The following ADGRA2 variants were observed in gnomAD, a reference collection of about 807,000 sequenced individuals.
The protein encoded by ADGRA2 is adhesion G protein-coupled receptor A2, also known as G-protein coupled receptor 124.
In ADGRA2, 61 loss-of-function variants were observed where a neutral mutation model predicts 98.7. The ratio of observed to expected loss-of-function variants is 0.62; its 90% CI spans 0.50 to 0.76. The LOEUF (loss-of-function observed/expected upper bound fraction) is 0.76. ADGRA2 is among the 30% of genes least tolerant of loss of function. The probability of loss-of-function intolerance (pLI) is 0.00; values close to 1 mark genes in which losing one functional copy is unlikely to be tolerated. For missense variants in ADGRA2, 1,712 were observed against 1,860.0 expected (o/e 0.92, Z 1.46); for synonymous variants, 858 against 831.5 (o/e 1.03, Z -0.55).
At position 37,830,023 on chromosome 8, in the gene ADGRA2, G is replaced by T. The variant is rs770760292; in HGVS notation, c.718+9G>T. The T allele has an allele frequency of 1.3e-6, 2 of 1,517,024 alleles. No individual in the cohort carries two copies. The highest frequency in any genetic ancestry group is 1.4e-5 in the African/African-American group (1 of 72,780). The allele number at this position is 1,517,024 out of a possible 1,614,324, so 94.0% of individuals were successfully genotyped here. ...GGCCCAGCTCTGCTGCGGTGAGCAA[G>T]TCCCCCCAGCTACACATCTCCCAGG... On this transcript the variant is annotated intron_variant, in intron 6 of 18. Transcript: ENST00000412232. This position sits in a 1 kb window ranked among gnomAD's most constrained non-coding sequence, Gnocchi z 4.8.
chr8:37,824,328 C>A (rs1805208908), intron 2 of ADGRA2, among the ~76,000 whole-genome samples: 1 of 151,312 alleles, frequency 6.6e-6, no homozygotes, highest in Non-Finnish European at 1.5e-5. Flanking sequence ...CATGCCCAGC[C>A]TGCCCATTTT....
chr8:37,830,610 G>GGGGCC lies in ADGRA2; in HGVS notation c.719-100_719-99insGGGCC. On this transcript the variant is annotated intron_variant, in intron 6 of 18. Transcript: ENST00000412232. The surrounding 1 kb of genome is among the most constrained non-coding windows in gnomAD (Gnocchi z 4.8). ...AGCTGGAGCAGGCTGCAGGCCGAGG[G>GGGGCC]CCCCGCCCCGCCCCACCCCATCCTG... 12 of 579,886 alleles carry GGGGCC rather than the reference G, an allele frequency of 2.1e-5. No individual in the cohort carries two copies. Among genetic ancestry groups the GGGGCC allele is most frequent in the East Asian group, 6.4e-5 (2 of 31,242 alleles). 35.9% of individuals were successfully genotyped at this position (579,886 alleles called of 1,614,324 possible).
chr8:37,840,856 A>AGGGCC lies in ADGRA2; in HGVS notation c.2747+7_2747+8insGGGCC. The stretch of plus-strand genomic sequence containing the variant: ...ACCGGGACCACAGCCCCTAGTGAGC[A>AGGGCC]CCCCTCCCTCCCGCCCCAAGCCTAC... On this transcript the variant is annotated splice_region_variant and intron_variant, in intron 18 of 18. Transcript: ENST00000412232. 3.6e-5 allele frequency: 53 copies of AGGGCC among 1,483,200 alleles called. No individual in the cohort carries two copies. Among genetic ancestry groups the AGGGCC allele is most frequent in the Non-Finnish European group, 4.9e-5 (52 of 1,067,400 alleles). The allele number at this position is 1,483,200 out of a possible 1,614,324, so 91.9% of individuals were successfully genotyped here.
At position 37,797,108 on chromosome 8, in the gene ADGRA2, C is replaced by T. The variant is rs894786869; in HGVS notation, c.-161C>T. 6 of 344,734 alleles carry T rather than the reference C, an allele frequency of 1.7e-5. No individual in the cohort carries two copies. Among genetic ancestry groups the T allele is most frequent in the Non-Finnish European group, 2.3e-5 (5 of 217,352 alleles). The allele number at this position is 344,734 out of a possible 1,614,324, so 21.4% of individuals were successfully genotyped here. A position where few individuals can be genotyped will look rare whatever the true frequency, so the allele number is the denominator to read the frequency against. On this transcript the variant is annotated 5_prime_UTR_variant, in exon 1 of 19. Coordinates refer to ENST00000412232, the MANE Select transcript of ADGRA2 (RefSeq NM_032777.10). The surrounding 1 kb of genome is among the most constrained non-coding windows in gnomAD (Gnocchi z 5.3). ...GCGCTCGCAGGACATGCCCCCGGGG[C>T]GCGGCGGCGGGGACCCCGGGGCTCG... is the stretch of plus-strand genomic sequence containing the variant.
chr8:37,836,417 C>G (rs1056903313), intron 13 of ADGRA2, among the ~76,000 whole-genome samples: 23 of 152,280 alleles, frequency 1.5e-4, no homozygotes, highest in Admixed American at 1.5e-3. Flanking sequence ...GAGACCAGGG[C>G]AGAGGAATAA....
Position 37,825,480 on chromosome 8 carries a change from C to G in ADGRA2, c.339-3408C>G, listed in dbSNP as rs548102563. Among the ~76,000 whole-genome samples, 9 of 151,656 alleles carry G rather than the reference C, an allele frequency of 5.9e-5. No homozygotes were observed. In the East Asian group the frequency reaches 1.7e-3, roughly 29 times the overall value. On this transcript the variant is annotated intron_variant, in intron 2 of 18. Transcript: ENST00000412232. ...GCCAGGCTGGTCTCGAACTCCTGAC[C>G]TCAGGTGATCTGCCTACCTCGGCCT... is the stretch of plus-strand genomic sequence containing the variant.
At position 37,797,499 on chromosome 8, in the gene ADGRA2, C is replaced by A; in HGVS notation, c.231C>A (p.Pro77=). 1 of 1,403,888 alleles carries A rather than the reference C, an allele frequency of 7.1e-7. No individual in the cohort carries two copies. Among genetic ancestry groups the A allele is most frequent in the East Asian group, 2.8e-5 (1 of 35,812 alleles). The allele number at this position is 1,403,888 out of a possible 1,614,324, so 87.0% of individuals were successfully genotyped here. ...VCSGGDLPEP[P]EPGLLPNGTV... is the part of the protein sequence containing the mutation. ...GCGGCGGGGACCTCCCGGAGCCTCC[C>A]GAGCCCGGCCTTCTGCCTAACGGCA... The change falls in exon 1 of 19, where the codon CCC becomes CCA. Residue 77 remains proline (P), a synonymous_variant. Coordinates refer to ENST00000412232, the MANE Select transcript of ADGRA2 (RefSeq NM_032777.10). The surrounding 1 kb of genome is among the most constrained non-coding windows in gnomAD (Gnocchi z 5.3).
chr8:37,823,338 C>T (rs900867455), intron 2 of ADGRA2, among the ~76,000 whole-genome samples: 3 of 151,536 alleles, frequency 2.0e-5, no homozygotes, highest in Non-Finnish European at 4.4e-5. Context: ...ATAGCTGGGA[C>T]TTACAGGCAC....
intron 1 of ADGRA2, among the ~76,000 whole-genome samples, chr8:37,798,335 C>T (rs1234456781): frequency 6.6e-6 from 1 of 152,232 alleles, no homozygotes; most frequent in Admixed American, 6.5e-5. Context: ...GGTTCCCTCA[C>T]CGCAGCCCAC....
intron 17 of ADGRA2, 105 bp downstream of exon 17, chr8:37,840,371 CACTCT>C (rs1200981351): frequency 9.6e-6 from 12 of 1,253,968 alleles, no homozygotes; most frequent in Non-Finnish European, 1.3e-5. Context: ...CCTGGGAGAT[CACTCT>C]CCAAAGACGG....
intron 16 of ADGRA2, 139 bp from the exon 17 acceptor site, chr8:37,839,982 G>A (rs1805741299): frequency 8.0e-6 from 6 of 749,992 alleles, no homozygotes; most frequent in South Asian, 3.7e-5. Flanking sequence ...CTTGGCGAGT[G>A]TATGGGGAGT....
intron 2 of ADGRA2, among the ~76,000 whole-genome samples, chr8:37,819,156 T>C (rs889383843): frequency 6.6e-6 from 1 of 152,148 alleles, no homozygotes; most frequent in Non-Finnish European, 1.5e-5. Flanking sequence ...TAAAATTCTA[T>C]GATCCTTGGA....
At chr8:37,803,316 G>A (rs981516311) in intron 1 of ADGRA2, among the ~76,000 whole-genome samples, 6 of 152,250 alleles carry the variant, frequency 3.9e-5, no homozygotes, top group Admixed American at 3.3e-4. Flanking sequence ...GAGAGTTCCC[G>A]GACAGCCTGG....
intron 1 of ADGRA2, among the ~76,000 whole-genome samples, chr8:37,806,158 A>C (rs1428391423): frequency 6.6e-6 from 1 of 152,162 alleles, no homozygotes; most frequent in Non-Finnish European, 1.5e-5. Context: ...ATAGATGAAC[A>C]TTCCATCCTG....
chr8:37,808,416 G>A (rs138931364), intron 1 of ADGRA2, among the ~76,000 whole-genome samples: 29 of 152,300 alleles, frequency 1.9e-4, no homozygotes, highest in African/African-American at 5.3e-4. Context: ...GAAGAGGGCC[G>A]AGGCTGACCC....
In ADGRA2 at chr8:37,814,167, C is replaced by T. The variant is rs921999905; in HGVS notation, c.267-729C>T. 3.9e-5 allele frequency among the ~76,000 whole-genome samples: 6 copies of T among 152,166 alleles called. No homozygotes were observed. The highest frequency in any genetic ancestry group is 1.4e-4 in the African/African-American group (6 of 41,440). On this transcript the variant is annotated intron_variant, in intron 1 of 18. Transcript: ENST00000412232. This position sits in a 1 kb window ranked among gnomAD's most constrained non-coding sequence, Gnocchi z 4.3. Reference sequence around the variant, plus strand: ...GGCAGAGAAAGGCTGAGTGGGTGGGCGGAGATGAGACACTCGGTCTCTCTC... The same window carrying T: ...GGCAGAGAAAGGCTGAGTGGGTGGGTGGAGATGAGACACTCGGTCTCTCTC...
Position 37,833,850 on chromosome 8 carries a change from T to TG in ADGRA2, c.1446+15dup. On this transcript the variant is annotated intron_variant, in intron 10 of 18. Coordinates refer to ENST00000412232, the MANE Select transcript of ADGRA2 (RefSeq NM_032777.10). The stretch of plus-strand genomic sequence containing the variant: ...CCAGATCAAAGAGGTGAGACTCAGC[T>TG]GGAACTCAGGAGCTCGGAAAACGCC... 6.2e-7 allele frequency: 1 copy of TG among 1,613,600 alleles called. No individual in the cohort carries two copies. The highest frequency in any genetic ancestry group is 8.5e-7 in the Non-Finnish European group (1 of 1,179,492).
rs759468362 is a variant in ADGRA2 at position 37,839,462 on chromosome 8, G to T, written c.2388-37G>T. The stretch of plus-strand genomic sequence containing the variant: ...TGAGACCCCATGGGCCTGACCTTGG[G>T]TTGGACGGCCATTAATTCGAGACTG... On this transcript the variant is annotated intron_variant, in intron 15 of 18. Transcript: ENST00000412232. 3 of 1,612,592 alleles carry T rather than the reference G, an allele frequency of 1.9e-6. No homozygotes were observed. The Admixed American group carries it at 5.0e-5, about 27-fold the overall frequency.
Position 37,843,285 on chromosome 8 carries a change from G to A in ADGRA2, c.*930G>A, listed in dbSNP as rs562604357. ...CCTAGTCTCAGCCTTACAACACCAC[G>A]GGACTAAGGAAGAGCACTTCCTTGC... On this transcript the variant is annotated 3_prime_UTR_variant, in exon 19 of 19. Coordinates refer to ENST00000412232, the MANE Select transcript of ADGRA2 (RefSeq NM_032777.10). The A allele has an allele frequency of 3.3e-5, 5 of 152,166 alleles. No homozygotes were observed. Among genetic ancestry groups the A allele is most frequent in the African/African-American group, 9.7e-5 (4 of 41,422 alleles). The allele number at this position is 152,166 out of a possible 1,614,324, so 9.4% of individuals were successfully genotyped here.
Sources: gnomAD v4.1 joint callset for allele counts (sites outside exome capture counted in the v4.1 genomes callset) on GRCh38, gnomAD v4.1.1 for gene constraint, Gnocchi (gnomAD v3.1) non-coding constraint, MANE v1.5 for transcripts, NCBI Gene and HGNC (gene_info 2026-07-23, HGNC 2026-07-21) for gene names.